DNM3: variants seen among roughly 807,000 people sequenced by gnomAD.
DNM3 encodes dynamin 3, also known as dynamin-3.
DNM3 carries 47 observed loss-of-function variants against 101.6 expected under a neutral mutation model. That is an observed-to-expected ratio of 0.46 (90% confidence interval 0.37 to 0.59). The LOEUF (loss-of-function observed/expected upper bound fraction) is 0.59. Ranked by LOEUF, DNM3 falls within the 20% of genes least tolerant of loss-of-function variation. DNM3 has a pLI of 0.00. For missense variants in DNM3, 849 were observed against 1,085.7 expected, an observed-to-expected ratio of 0.78 and a Z score of 3.06; for synonymous variants, 385 against 387.9, an observed-to-expected ratio of 0.99 and a Z score of 0.09.
chr1:171,938,543 T>C (rs916396212), intron 2 of DNM3, among the ~76,000 whole-genome samples: 13 of 152,198 alleles, frequency 8.5e-5, no homozygotes, highest in Non-Finnish European at 1.9e-4. Flanking sequence ...TGATGAATTT[T>C]CTAAAAAGTT....
Position 172,387,309 on chromosome 1 carries a change from C to T in DNM3, c.2235C>T (p.Ser745=). The T allele has an allele frequency of 1.2e-6, 2 of 1,613,742 alleles. No homozygotes were observed. The highest frequency in any genetic ancestry group is 2.2e-5 in the East Asian group (1 of 44,858). ...IIGDISTATV[S]TPAPPPVDDS... ...GGGACATCAGCACAGCCACCGTGTC[C>T]ACTCCGGCACCCCCTCCAGTGGATG... Residue 745 remains serine, a synonymous_variant, in exon 19 of 21, where the codon TCC becomes TCT. Coordinates refer to ENST00000627582, the MANE Select transcript of DNM3 (RefSeq NM_015569.5).
intron 20 of DNM3, among the ~76,000 whole-genome samples, chr1:172,396,822 A>G (rs868788250): frequency 3.3e-5 from 5 of 152,306 alleles, no homozygotes; most frequent in Middle Eastern, 3.4e-3. Context: ...ATCTCAAAAG[A>G]TTAGTATATA....
rs181534683 is a variant in DNM3 at position 172,242,783 on chromosome 1, G to A, written c.1660-10790G>A. On this transcript the variant is annotated intron_variant, in intron 14 of 20. Coordinates refer to ENST00000627582, the MANE Select transcript of DNM3 (RefSeq NM_015569.5). ...TATACATGGACTTCTGTCTGATCCC[G>A]CTGCCACAACCTCACTACCATACCC... 4.6e-3 allele frequency among the ~76,000 whole-genome samples: 694 copies of A among 152,218 alleles called. 3 individuals carry two copies. The highest frequency in any genetic ancestry group is 0.017 in the Middle Eastern group (5 of 294).
Position 172,410,274 on chromosome 1 carries a change from T to C in DNM3, c.*2433T>C, listed in dbSNP as rs972992741. 4 of 985,272 alleles carry C rather than the reference T, an allele frequency of 4.1e-6. No homozygotes were observed. The African/African-American group carries it at 7.0e-5, about 17-fold the overall frequency. 61.0% of individuals were successfully genotyped at this position (985,272 alleles called of 1,614,324 possible). ...GAAGTCTGAAACTCTAGTATGTGCA[T>C]AGTTTGACGTGCAGCATGCACACCA... On this transcript the variant is annotated 3_prime_UTR_variant, in exon 21 of 21. Transcript: ENST00000627582.
At chr1:172,243,812 T>G (rs921005966) in intron 14 of DNM3, among the ~76,000 whole-genome samples, 1 of 152,202 alleles carries the variant, frequency 6.6e-6, no homozygotes, top group African/African-American at 2.4e-5. Context: ...AATAAAAAGA[T>G]GCATAGTTTA....
rs557499364 is a variant in DNM3, at chr1:172,319,447, A to G, written c.1882-3882A>G. ...AAAAGAAACTACCATCAGAGTGAAC[A>G]GGCAAAATGGGAGAAAATTTTTGCA... On this transcript the variant is annotated intron_variant, in intron 16 of 20. Coordinates refer to ENST00000627582, the MANE Select transcript of DNM3 (RefSeq NM_015569.5). 1.0e-3 allele frequency among the ~76,000 whole-genome samples: 155 copies of G among 151,792 alleles called. 1 individual carries two copies. The highest frequency in any genetic ancestry group is 3.6e-3 in the African/African-American group (150 of 41,494).
chr1:171,925,856 T>C (rs927919322), intron 2 of DNM3, among the ~76,000 whole-genome samples: 7 of 152,220 alleles, frequency 4.6e-5, no homozygotes, highest in African/African-American at 1.7e-4. Flanking sequence ...ATTTAAGTCT[T>C]TAATCCATCA....
At chr1:172,226,926 G>T (rs948615948) in intron 14 of DNM3, among the ~76,000 whole-genome samples, 1 of 151,738 alleles carries the variant, frequency 6.6e-6, no homozygotes, top group African/African-American at 2.4e-5. Flanking sequence ...TATTTCAATA[G>T]CTCTGGGGGG....
At chr1:171,936,603 T>C (rs2125391801) in intron 2 of DNM3, among the ~76,000 whole-genome samples, 1 of 152,312 alleles carries the variant, frequency 6.6e-6, no homozygotes, top group African/African-American at 2.4e-5. Context: ...CTTTCTTTTG[T>C]AGAAGGTTTT....
intron 14 of DNM3, among the ~76,000 whole-genome samples, chr1:172,163,481 GC>G (rs1181957164): frequency 6.6e-6 from 1 of 151,878 alleles, no homozygotes; most frequent in Non-Finnish European, 1.5e-5. Flanking sequence ...CTCGTGATCT[GC>G]CCCCCTTGGC....
At chr1:171,997,730 A>G (rs147740836) in intron 4 of DNM3, among the ~76,000 whole-genome samples, 25 of 152,224 alleles carry the variant, frequency 1.6e-4, no homozygotes, top group Non-Finnish European at 3.2e-4. Flanking sequence ...TGTAAGTTCA[A>G]TGTGCTGTAT....
At chr1:172,398,308 T>C (rs1329157238) in intron 20 of DNM3, among the ~76,000 whole-genome samples, 2 of 152,224 alleles carry the variant, frequency 1.3e-5, no homozygotes, top group African/African-American at 2.4e-5. Context: ...TAGTTACTTA[T>C]ATCAAACACT....
intron 14 of DNM3, among the ~76,000 whole-genome samples, chr1:172,230,565 C>T (rs542237565): frequency 2.0e-5 from 3 of 152,224 alleles, no homozygotes; most frequent in Admixed American, 2.0e-4. Flanking sequence ...AATATAGTAA[C>T]AGTGTTTTAA....
At chr1:172,303,782 C>T (rs1326855947) in intron 15 of DNM3, among the ~76,000 whole-genome samples, 2 of 152,070 alleles carry the variant, frequency 1.3e-5, no homozygotes, top group Non-Finnish European at 2.9e-5. Flanking sequence ...CCAAACTAAG[C>T]TTCATAAGTG....
Position 172,257,902 on chromosome 1 carries a change from A to C in DNM3, c.1769+4220A>C, listed in dbSNP as rs747258017. ...AACACACACACACACACACACACACACACAGACAAACAGACACACACACAA... is the reference window on the plus strand; with the variant it reads ...AACACACACACACACACACACACACCCACAGACAAACAGACACACACACAA... On this transcript the variant is annotated intron_variant, in intron 15 of 20. Coordinates refer to ENST00000627582, the MANE Select transcript of DNM3 (RefSeq NM_015569.5). Among the ~76,000 whole-genome samples the C allele has an allele frequency of 1.3e-3, 191 of 150,108 alleles. 2 individuals carry two copies. The highest frequency in any genetic ancestry group is 7.5e-4 in the Non-Finnish European group (51 of 67,836).
At chr1:171,935,951 C>G (rs1019011389) in intron 2 of DNM3, among the ~76,000 whole-genome samples, 1 of 150,952 alleles carries the variant, frequency 6.6e-6, no homozygotes, top group Non-Finnish European at 1.5e-5. Flanking sequence ...GCACATTTAA[C>G]GTATTACAGT....
In DNM3 at chr1:171,945,939, A is replaced by G. The variant is rs903889520; in HGVS notation, c.235+24118A>G. ...CCACGGTAAGGCAGTTTAGCATGCTATAGGAAACTAAAGAAGACCGACATG... is the reference window on the plus strand; with the variant it reads ...CCACGGTAAGGCAGTTTAGCATGCTGTAGGAAACTAAAGAAGACCGACATG... On this transcript the variant is annotated intron_variant, in intron 2 of 20. Transcript: ENST00000627582. Among the ~76,000 whole-genome samples the G allele has an allele frequency of 1.4e-4, 22 of 152,180 alleles. 1 individual carries two copies. Among genetic ancestry groups the G allele is most frequent in the Non-Finnish European group, 4.4e-5 (3 of 68,034 alleles).
At chr1:172,290,030 T>A in intron 15 of DNM3, 1 of 921,950 alleles carries the variant, frequency 1.1e-6, no homozygotes, top group Non-Finnish European at 1.3e-6. Context: ...TGTAAGATCT[T>A]TGTGTCATTA....
intron 1 of DNM3, among the ~76,000 whole-genome samples, chr1:171,876,868 C>T (rs1321583779): frequency 1.3e-5 from 2 of 152,092 alleles, no homozygotes; most frequent in African/African-American, 2.4e-5. Context: ...TCTTTTTATT[C>T]TTTTCAAAGA....
Sources: allele counts gnomAD v4.1 joint callset (sites outside exome capture counted in the v4.1 genomes callset), GRCh38; gene constraint gnomAD v4.1.1; transcripts MANE v1.5; gene names NCBI Gene and HGNC (gene_info 2026-07-23, HGNC 2026-07-21).